Variants in FOCAD observed in about 807,000 individuals in gnomAD.
FOCAD encodes the protein focadhesin.
A neutral mutation model predicts 225.6 loss-of-function variants in FOCAD; 198 were observed. That is an observed-to-expected ratio of 0.88 (90% CI 0.78 to 0.99). The LOEUF (loss-of-function observed/expected upper bound fraction) is 0.99. Ranked by LOEUF, FOCAD falls within the 50% of genes least tolerant of loss-of-function variation. The pLI is 0.00. For synonymous variants in FOCAD, 897 were observed against 755.0 expected (o/e 1.19, Z -3.08); for missense variants, 2,713 against 2,123.6 (o/e 1.28, Z -5.46).
At chr9:20,926,048 G>T (rs1834907946) in intron 25 of FOCAD, among the ~76,000 whole-genome samples, 1 of 152,076 alleles carries the variant, frequency 6.6e-6, no homozygotes, top group African/African-American at 2.4e-5. Context: ...GTTCTGTTTT[G>T]CAGCATCTAT....
At chr9:20,805,812 A>G (rs1025855822) in intron 11 of FOCAD, among the ~76,000 whole-genome samples, 6 of 152,182 alleles carry the variant, frequency 3.9e-5, no homozygotes, top group Admixed American at 6.5e-5. Flanking sequence ...ATACATAGAT[A>G]TTTGAGCTTC....
chr9:20,680,516 T>C (rs961189753), upstream of FOCAD, among the ~76,000 whole-genome samples: 3 of 152,098 alleles, frequency 2.0e-5, no homozygotes, highest in Non-Finnish European at 2.9e-5. Flanking sequence ...GATTGCGTCA[T>C]TGCACTCCAG....
chr9:20,877,297 T>C (rs1279447999), intron 19 of FOCAD, among the ~76,000 whole-genome samples: 1 of 152,170 alleles, frequency 6.6e-6, no homozygotes. Context: ...AAGATTAAAA[T>C]ATCTAAAGTC....
chr9:20,848,083 G>A (rs1317673708), intron 15 of FOCAD, among the ~76,000 whole-genome samples: 3 of 151,966 alleles, frequency 2.0e-5, no homozygotes, highest in African/African-American at 7.2e-5. Context: ...CTGACAAAAA[G>A]GAGATTAATA....
At chr9:20,744,179 G>A (rs1300926895) in intron 5 of FOCAD, among the ~76,000 whole-genome samples, 1 of 152,128 alleles carries the variant, frequency 6.6e-6, no homozygotes, top group African/African-American at 2.4e-5. Context: ...GGAGGAGGAG[G>A]GGAAGAGAAC....
chr9:20,970,281 A>C (rs77548552), intron 35 of FOCAD, among the ~76,000 whole-genome samples: 3,601 of 152,088 alleles, frequency 0.024, 52 homozygotes, highest in Non-Finnish European at 0.035. Context: ...TACTTTTTCA[A>C]ATATTCATTC....
At position 20,981,608 on chromosome 9, in the gene FOCAD, C is replaced by T; in HGVS notation, c.4560C>T (p.Pro1520=). Residue 1520 remains proline (P), a synonymous_variant, in exon 38 of 44, where the codon CCC becomes CCT. Coordinates refer to ENST00000338382, the MANE Select transcript of FOCAD (RefSeq NM_001375567.1). ...LHGLSQAMKL[P]SPAHHLWSLL... is the part of the protein sequence containing the mutation. ...GTCTGAGCCAGGCCATGAAACTGCC[C>T]AGCCCTGCCCACCACCTCTGGAGTC... 1 of 1,614,026 alleles carries T rather than the reference C, an allele frequency of 6.2e-7. No individual in the cohort carries two copies. Among genetic ancestry groups the T allele is most frequent in the Non-Finnish European group, 8.5e-7 (1 of 1,179,984 alleles).
At chr9:20,760,442 A>G (rs73438306) in intron 6 of FOCAD, among the ~76,000 whole-genome samples, 4,731 of 152,282 alleles carry the variant, frequency 0.031, 260 homozygotes, top group African/African-American at 0.11. Context: ...ATCTTTTCTT[A>G]TCTTCATCTC....
intron 21 of FOCAD, among the ~76,000 whole-genome samples, chr9:20,895,590 T>G (rs1238103991): frequency 6.6e-6 from 1 of 151,856 alleles, no homozygotes; most frequent in Non-Finnish European, 1.5e-5. Flanking sequence ...GATATATTTA[T>G]TTATGTAGGT....
At chr9:20,768,925 T>G (rs1235757567) in intron 7 of FOCAD, among the ~76,000 whole-genome samples, 1 of 152,176 alleles carries the variant, frequency 6.6e-6, no homozygotes, top group African/African-American at 2.4e-5. Context: ...TGTTAAAGAT[T>G]AGAGAGCCTT....
chr9:20,829,060 C>T lies in FOCAD; in HGVS notation c.1920+5945C>T, dbSNP rs147367778. Among the ~76,000 whole-genome samples the T allele has an allele frequency of 6.8e-3, 1,036 of 152,126 alleles. 6 individuals are homozygous for T. The highest frequency in any genetic ancestry group is 0.011 in the Non-Finnish European group (768 of 67,980). On this transcript the variant is annotated intron_variant, in intron 15 of 43. Coordinates refer to ENST00000338382, the MANE Select transcript of FOCAD (RefSeq NM_001375567.1). ...CATTGATGGGCATTTGGGATTGATT[C>T]CATGTCTTTGCTATTGTGAATAGTG...
chr9:20,788,895 G>A (rs1183677872), intron 10 of FOCAD, among the ~76,000 whole-genome samples: 2 of 152,096 alleles, frequency 1.3e-5, no homozygotes, highest in Non-Finnish European at 2.9e-5. Context: ...TCAACATACT[G>A]TCTGTTACAG....
upstream of FOCAD, among the ~76,000 whole-genome samples, chr9:20,680,199 T>G (rs1889226): frequency 6.6e-6 from 1 of 152,190 alleles, no homozygotes; most frequent in Admixed American, 6.5e-5. Flanking sequence ...TGGCTAAGAA[T>G]ATAGGTGGAC....
At chr9:20,951,585 T>C (rs975099926) in intron 34 of FOCAD, among the ~76,000 whole-genome samples, 13 of 152,212 alleles carry the variant, frequency 8.5e-5, no homozygotes, top group African/African-American at 3.1e-4. Flanking sequence ...GCTGGAGTTT[T>C]TCTGGCCTCC....
At chr9:20,821,805 T>C (rs1376253811) in intron 14 of FOCAD, among the ~76,000 whole-genome samples, 1 of 151,868 alleles carries the variant, frequency 6.6e-6, no homozygotes, top group African/African-American at 2.4e-5. Flanking sequence ...CTCACTTTTG[T>C]TAATGACAGC....
chr9:20,729,949 T>C (rs1336203778), intron 4 of FOCAD, among the ~76,000 whole-genome samples: 1 of 152,326 alleles, frequency 6.6e-6, no homozygotes, highest in South Asian at 2.1e-4. Context: ...CTTTAAATTA[T>C]AAATTATCTC....
At chr9:20,919,461 C>G (rs1004079815) in intron 24 of FOCAD, among the ~76,000 whole-genome samples, 6 of 152,130 alleles carry the variant, frequency 3.9e-5, no homozygotes, top group Admixed American at 3.3e-4. Context: ...TTGGAAAAAA[C>G]TACTTTAAAG....
At chr9:20,894,321 A>G (rs750861225) in intron 21 of FOCAD, among the ~76,000 whole-genome samples, 1 of 152,320 alleles carries the variant, frequency 6.6e-6, no homozygotes, top group East Asian at 1.9e-4. Context: ...GCAAATATGT[A>G]TAAAACTACT....
intron 15 of FOCAD, among the ~76,000 whole-genome samples, chr9:20,839,076 C>G (rs1208393333): frequency 6.6e-6 from 1 of 151,784 alleles, no homozygotes; most frequent in African/African-American, 2.4e-5. Flanking sequence ...ATACAGCATT[C>G]CCTAGGAGTT....
Sources: allele counts gnomAD v4.1 joint callset (sites outside exome capture counted in the v4.1 genomes callset), GRCh38; gene constraint gnomAD v4.1.1; transcripts MANE v1.5; gene names NCBI Gene and HGNC (gene_info 2026-07-23, HGNC 2026-07-21).